LMNTD1: variants seen among roughly 807,000 people sequenced by gnomAD.
LMNTD1 encodes the protein lamin tail domain-containing protein 1.
A neutral mutation model predicts 50.9 loss-of-function variants in LMNTD1; 35 were observed. That is an observed-to-expected ratio of 0.69 (90% CI 0.53 to 0.91). LMNTD1 has a LOEUF of 0.91. LMNTD1 is among the 40% of genes least tolerant of loss of function. The pLI is 0.00. For missense variants in LMNTD1, 470 were observed against 475.5 expected (o/e 0.99, Z 0.11); for synonymous variants, 153 against 161.9 (o/e 0.94, Z 0.42).
At chr12:25,510,166 G>A (rs1346285804) in intron 8 of LMNTD1, among the ~76,000 whole-genome samples, 1 of 150,240 alleles carries the variant, frequency 6.7e-6, no homozygotes, top group African/African-American at 2.4e-5. Flanking sequence ...ATAGCTCTGC[G>A]CATTCATGTG....
chr12:25,522,453 T>C (rs1320186577), intron 6 of LMNTD1, among the ~76,000 whole-genome samples: 1 of 152,182 alleles, frequency 6.6e-6, no homozygotes, highest in Non-Finnish European at 1.5e-5. Flanking sequence ...TTACAAACTA[T>C]TTTTAGTGCA....
At chr12:25,492,565 A>G (rs1391191773) in intron 9 of LMNTD1, among the ~76,000 whole-genome samples, 1 of 152,224 alleles carries the variant, frequency 6.6e-6, no homozygotes, top group Admixed American at 6.5e-5. Context: ...TCTGAAGCCA[A>G]AGCTAGATGT....
At chr12:25,514,509 A>C (rs2136002458) in intron 8 of LMNTD1, among the ~76,000 whole-genome samples, 1 of 151,874 alleles carries the variant, frequency 6.6e-6, no homozygotes, top group East Asian at 1.9e-4. Context: ...GAGGCTGGGA[A>C]GGGTAGTGGG....
At chr12:25,516,605 A>G (rs1297858918) in intron 8 of LMNTD1, among the ~76,000 whole-genome samples, 1 of 152,230 alleles carries the variant, frequency 6.6e-6, no homozygotes, top group Non-Finnish European at 1.5e-5. Context: ...AAGTTCACAC[A>G]CATGCACAGA....
chr12:25,624,393 A>G (rs946534933), intron 1 of LMNTD1, among the ~76,000 whole-genome samples: 9 of 152,206 alleles, frequency 5.9e-5, no homozygotes, highest in African/African-American at 1.9e-4. Context: ...AAAGGTACCC[A>G]TTCCATAACT....
chr12:25,497,857 C>T (rs894322187), intron 9 of LMNTD1: 1 of 151,758 alleles, frequency 6.6e-6, no homozygotes, highest in African/African-American at 2.4e-5. Flanking sequence ...ATATTTTTAG[C>T]TCTTGGTGCT....
chr12:25,480,070 G>T (rs932208678), intron 9 of LMNTD1, among the ~76,000 whole-genome samples: 1 of 152,198 alleles, frequency 6.6e-6, no homozygotes, highest in African/African-American at 2.4e-5. Flanking sequence ...CTATCCACTT[G>T]ATTATTAAAA....
intron 1 of LMNTD1, among the ~76,000 whole-genome samples, chr12:25,609,920 C>G (rs1946204711): frequency 6.6e-6 from 1 of 152,148 alleles, no homozygotes; most frequent in Non-Finnish European, 1.5e-5. Context: ...TTTCTGTTGC[C>G]TTTTTTTCAG....
At chr12:25,586,878 A>G (rs768588018) in intron 1 of LMNTD1, among the ~76,000 whole-genome samples, 62 of 152,202 alleles carry the variant, frequency 4.1e-4, no homozygotes, top group Non-Finnish European at 6.2e-4. Context: ...TTTCTAAAAC[A>G]CAAACTCCTT....
chr12:25,570,241 G>A lies in LMNTD1; in HGVS notation c.59-23687C>T, dbSNP rs189370666. Among the ~76,000 whole-genome samples, 1,337 of 152,154 alleles carry A rather than the reference G, an allele frequency of 8.8e-3. 9 individuals carry two copies. Among genetic ancestry groups the A allele is most frequent in the Middle Eastern group, 0.027 (8 of 294 alleles). On this transcript the variant is annotated intron_variant, in intron 1 of 7. Coordinates refer to the LMNTD1 transcript ENST00000445693. ...ATTTAGATGAAACTATAGTAGCTGCGAATAAAAAATAAATATAGTGCATGA... is the reference window on the plus strand; with the variant it reads ...ATTTAGATGAAACTATAGTAGCTGCAAATAAAAAATAAATATAGTGCATGA...
intron 8 of LMNTD1, among the ~76,000 whole-genome samples, chr12:25,516,868 AC>A (rs1318976313): frequency 1.3e-5 from 2 of 151,800 alleles, no homozygotes; most frequent in Non-Finnish European, 2.9e-5. Context: ...CAAGAAAAAA[AC>A]AAACAATGCC....
intron 4 of LMNTD1, among the ~76,000 whole-genome samples, chr12:25,536,135 G>A (rs1430585011): frequency 2.0e-5 from 3 of 151,980 alleles, no homozygotes; most frequent in African/African-American, 7.2e-5. Context: ...CACAACTTTG[G>A]TAGATATTAA....
At chr12:25,537,853 A>G (rs1354146174) in intron 4 of LMNTD1, among the ~76,000 whole-genome samples, 2 of 149,948 alleles carry the variant, frequency 1.3e-5, no homozygotes, top group African/African-American at 4.9e-5. Flanking sequence ...TATAACTAGA[A>G]TAACCAATAC....
intron 9 of LMNTD1, among the ~76,000 whole-genome samples, chr12:25,487,648 T>G (rs1410682569): frequency 6.2e-4 from 80 of 129,544 alleles, no homozygotes; most frequent in Non-Finnish European, 4.6e-4. Flanking sequence ...AAAGTTAATA[T>G]TGTTATGTGT....
At chr12:25,619,399 G>T (rs79481653) in intron 1 of LMNTD1, among the ~76,000 whole-genome samples, 1,589 of 152,134 alleles carry the variant, frequency 0.01, 16 homozygotes, top group South Asian at 0.058. Context: ...ATACAACAAA[G>T]TTAAAACACA....
chr12:25,503,237 C>G (rs1197296691), intron 9 of LMNTD1, among the ~76,000 whole-genome samples: 2 of 152,120 alleles, frequency 1.3e-5, no homozygotes, highest in African/African-American at 4.8e-5. Context: ...TGAGATATTC[C>G]TCAATTACTT....
At chr12:25,588,156 A>G (rs1016732158) in intron 1 of LMNTD1, among the ~76,000 whole-genome samples, 1 of 152,228 alleles carries the variant, frequency 6.6e-6, no homozygotes, top group African/African-American at 2.4e-5. Context: ...ATTATACTAA[A>G]TGGAAAATGT....
intron 4 of LMNTD1, among the ~76,000 whole-genome samples, chr12:25,531,716 C>T (rs1942238584): frequency 2.6e-5 from 4 of 152,064 alleles, no homozygotes; most frequent in African/African-American, 4.8e-5. Flanking sequence ...TTCTGTGTTT[C>T]CATCAATACC....
Position 25,571,849 on chromosome 12 carries a change from T to A in LMNTD1, c.59-25295A>T, listed in dbSNP as rs553044446. Among the ~76,000 whole-genome samples, 12 of 152,180 alleles carry A rather than the reference T, an allele frequency of 7.9e-5. No homozygotes were observed. In the East Asian group the frequency reaches 2.3e-3, roughly 29 times the overall value. On this transcript the variant is annotated intron_variant, in intron 1 of 7. Transcript: ENST00000445693. ...CATGCCCAGCTAATTTTTTGTATTT[T>A]TAGTAGAGAAGGGGTTTCACTGTGT...
Sources: allele counts gnomAD v4.1 joint callset (sites outside exome capture counted in the v4.1 genomes callset), GRCh38; gene constraint gnomAD v4.1.1; transcripts MANE v1.5; gene names NCBI Gene and HGNC (gene_info 2026-07-23, HGNC 2026-07-21).